The following NSD1 variants were observed in gnomAD, a reference collection of about 807,000 sequenced individuals.
The protein encoded by NSD1 is histone-lysine N-methyltransferase, H3 lysine-36 specific.
In NSD1, 26 loss-of-function variants were observed where a neutral mutation model predicts 242.7. The ratio of observed to expected loss-of-function variants is 0.11; its 90% CI spans 0.08 to 0.15. The LOEUF (loss-of-function observed/expected upper bound fraction) is 0.15, where lower values mean the gene tolerates loss of function less well. Among genes scored for constraint, NSD1 ranks in the 10% least tolerant of loss-of-function variants. The probability of loss-of-function intolerance (pLI) is 1.00; values close to 1 mark genes in which losing one functional copy is unlikely to be tolerated. For synonymous variants in NSD1, 1,106 were observed against 1,178.1 expected (o/e 0.94, Z 1.25); for missense variants, 2,495 against 3,272.8 (o/e 0.76, Z 5.80).
rs1299476078 is a variant in NSD1, at chr5:177,297,382, T to C, written c.*1923T>C. 4.4e-6 allele frequency: 1 copy of C among 229,790 alleles called. No homozygotes were observed. The highest frequency in any genetic ancestry group is 8.6e-6 in the Non-Finnish European group (1 of 116,064). 14.2% of individuals were successfully genotyped at this position (229,790 alleles called of 1,614,324 possible). ...ATTTTAAACCATGAAAAAGATATTT[T>C]TAAAGAAATTCACCGAGAACATTAA... is the stretch of plus-strand genomic sequence containing the variant. On this transcript the variant is annotated 3_prime_UTR_variant, in exon 23 of 23. Coordinates refer to ENST00000439151, the MANE Select transcript of NSD1 (RefSeq NM_022455.5).
At chr5:177,284,933 C>G (rs1461823791) in intron 20 of NSD1, among the ~76,000 whole-genome samples, 1 of 152,134 alleles carries the variant, frequency 6.6e-6, no homozygotes, top group Non-Finnish European at 1.5e-5. Flanking sequence ...AGAACTCTGA[C>G]TCTTAAAAAC....
chr5:177,278,666 A>G (rs2127253505), intron 17 of NSD1, among the ~76,000 whole-genome samples: 1 of 152,342 alleles, frequency 6.6e-6, no homozygotes, highest in South Asian at 2.1e-4. Flanking sequence ...TATGTCTACC[A>G]TGTTTAAGAG....
chr5:177,152,317 G>A (rs1032909177), intron 2 of NSD1, among the ~76,000 whole-genome samples: 7 of 134,800 alleles, frequency 5.2e-5, no homozygotes, highest in Non-Finnish European at 9.6e-5. Context: ...GGTTGTGTGT[G>A]TGTGTATGTA....
At chr5:177,287,364 G>A (rs1205813355) in intron 20 of NSD1, among the ~76,000 whole-genome samples, 5 of 152,230 alleles carry the variant, frequency 3.3e-5, no homozygotes, top group Non-Finnish European at 7.3e-5. Context: ...TGTGGGGCTG[G>A]GCGCAGTGGC....
chr5:177,223,262 A>G (rs1270412078), intron 5 of NSD1, among the ~76,000 whole-genome samples: 2 of 151,510 alleles, frequency 1.3e-5, no homozygotes, highest in Non-Finnish European at 2.9e-5. Flanking sequence ...TAATTTTTTT[A>G]AGAGAGCCAG....
intron 11 of NSD1, among the ~76,000 whole-genome samples, chr5:177,250,422 C>G (rs769077415): frequency 6.6e-6 from 1 of 152,196 alleles, no homozygotes; most frequent in Non-Finnish European, 1.5e-5. Flanking sequence ...CTTCTTTTCA[C>G]TCTCAGGTGT....
intron 4 of NSD1, among the ~76,000 whole-genome samples, chr5:177,208,972 A>G (rs1014665976): frequency 1.3e-5 from 2 of 152,146 alleles, no homozygotes; most frequent in Non-Finnish European, 2.9e-5. Context: ...CTGGGATTAC[A>G]GGCGTGAGCC....
intron 2 of NSD1, among the ~76,000 whole-genome samples, chr5:177,179,417 G>C (rs1760474962): frequency 6.6e-6 from 1 of 152,194 alleles, no homozygotes; most frequent in African/African-American, 2.4e-5. Flanking sequence ...GGTTCTCCAT[G>C]TTGGTCAGAC....
intron 3 of NSD1, among the ~76,000 whole-genome samples, 165 bp from the exon 4 acceptor site, chr5:177,203,955 A>T (rs966934470): frequency 2.0e-5 from 3 of 152,174 alleles, no homozygotes; most frequent in African/African-American, 7.2e-5. Flanking sequence ...CATATATAAT[A>T]CTTAAAATTT....
intron 3 of NSD1, among the ~76,000 whole-genome samples, chr5:177,198,902 G>A (rs536272259): frequency 3.9e-5 from 6 of 152,218 alleles, no homozygotes; most frequent in African/African-American, 1.4e-4. Context: ...AGCTTCCTCT[G>A]TCTCCATCTT....
upstream of NSD1, among the ~76,000 whole-genome samples, chr5:177,132,866 C>G (rs1755970901): frequency 6.6e-6 from 1 of 152,120 alleles, no homozygotes; most frequent in Admixed American, 6.5e-5. The surrounding 1 kb of genome is among the most constrained non-coding windows in gnomAD (Gnocchi z 7.5). Context: ...AGGGCCGAGT[C>G]CCCGGCCCGT....
chr5:177,171,178 G>A (rs1759672404), intron 2 of NSD1, among the ~76,000 whole-genome samples: 1 of 151,922 alleles, frequency 6.6e-6, no homozygotes, highest in Non-Finnish European at 1.5e-5. Flanking sequence ...AATTAGTAGT[G>A]CGCCTGTAGT....
In NSD1 at chr5:177,269,683, A is replaced by C; in HGVS notation, c.5385A>C (p.Pro1795=). 6.2e-7 allele frequency: 1 copy of C among 1,614,110 alleles called. No individual in the cohort carries two copies. The highest frequency in any genetic ancestry group is 1.6e-4 in the Middle Eastern group (1 of 6,062). The change falls in exon 16 of 23, where the codon CCA becomes CCC. Residue 1795 remains proline, a synonymous_variant. Transcript: ENST00000439151. This position sits in a 1 kb window ranked among gnomAD's most constrained non-coding sequence, Gnocchi z 5.1. The stretch of plus-strand genomic sequence containing the variant: ...TGAGACATGATGTGGGAGAGTTCCC[A>C]GTCCTCTTTTTTGGATCTAATGACT... ...DKMRHDVGEF[P]VLFFGSNDYL...
upstream of NSD1, among the ~76,000 whole-genome samples, chr5:177,132,666 G>C (rs1320772911): frequency 1.3e-5 from 2 of 152,080 alleles, no homozygotes; most frequent in African/African-American, 4.8e-5. The surrounding 1 kb of genome is among the most constrained non-coding windows in gnomAD (Gnocchi z 7.5). Flanking sequence ...CGGTGCCGGG[G>C]GTGGGCTCAG....
At position 177,269,558 on chromosome 5, in the gene NSD1, T is replaced by G. The variant is rs746159615; in HGVS notation, c.5304-44T>G. The G allele has an allele frequency of 1.2e-5, 19 of 1,569,502 alleles. No homozygotes were observed. The highest frequency in any genetic ancestry group is 1.5e-5 in the Non-Finnish European group (17 of 1,140,288). On this transcript the variant is annotated intron_variant, in intron 15 of 22. Coordinates refer to ENST00000439151, the MANE Select transcript of NSD1 (RefSeq NM_022455.5). The surrounding 1 kb of genome is among the most constrained non-coding windows in gnomAD (Gnocchi z 5.1). ...TGAGTAGGTTATTTTCCTAATGCCT[T>G]GCAGCCTTCTAGAGGTTTTCCTTCT...
Position 177,256,837 on chromosome 5 carries a change from A to C in NSD1, c.4766-114A>C, listed in dbSNP as rs910667402. 2.5e-5 allele frequency: 21 copies of C among 823,960 alleles called. No homozygotes were observed. The African/African-American group carries it at 3.2e-4, about 13-fold the overall frequency. 51.0% of individuals were successfully genotyped at this position (823,960 alleles called of 1,614,324 possible). A position where few individuals can be genotyped will look rare whatever the true frequency, so the allele number is the denominator to read the frequency against. ...ACTAAGATTGTTACAGTGGGTTCAG[A>C]CGATGTCAAACCGATCAGTCCATTA... On this transcript the variant is annotated intron_variant, in intron 12 of 22. Transcript: ENST00000439151.
chr5:177,299,648 G>A lies in NSD1; in HGVS notation c.*4189G>A, dbSNP rs896095734. On this transcript the variant is annotated 3_prime_UTR_variant, in exon 23 of 23. Transcript: ENST00000439151. ...TCCACAACCTCGGAAGAAGTGTTTC[G>A]AGTTTAACATGCGCTGTTTCTGCTT... The A allele has an allele frequency of 1.2e-4, 29 of 233,170 alleles. No individual in the cohort carries two copies. The highest frequency in any genetic ancestry group is 1.8e-4 in the Non-Finnish European group (21 of 118,070). 14.4% of individuals were successfully genotyped at this position (233,170 alleles called of 1,614,324 possible).
At chr5:177,141,389 G>A (rs1366459016) in intron 2 of NSD1, among the ~76,000 whole-genome samples, 4 of 137,718 alleles carry the variant, frequency 2.9e-5, no homozygotes, top group East Asian at 2.2e-4. Flanking sequence ...GGAGTGCAGT[G>A]GTGTGACCTT....
intron 5 of NSD1, chr5:177,229,712 A>G: frequency 2.6e-6 from 1 of 382,714 alleles, no homozygotes; most frequent in South Asian, 1.8e-5. Flanking sequence ...AAAGAGGGGA[A>G]GCCTAGCAAC....
Sources: gnomAD v4.1 joint callset for allele counts (sites outside exome capture counted in the v4.1 genomes callset) on GRCh38, gnomAD v4.1.1 for gene constraint, Gnocchi (gnomAD v3.1) non-coding constraint, MANE v1.5 for transcripts, NCBI Gene and HGNC (gene_info 2026-07-23, HGNC 2026-07-21) for gene names.